Variants in GLT1D1 observed in about 807,000 individuals in gnomAD.
The protein encoded by GLT1D1 is glycosyltransferase 1 domain containing 1.
Under a neutral mutation model 28.7 loss-of-function variants are expected in GLT1D1, and 21 were observed. That is an observed-to-expected ratio of 0.73 (90% CI 0.52 to 1.05). The LOEUF is 1.05. Among genes scored for constraint, GLT1D1 ranks in the 50% least tolerant of loss-of-function variants. The pLI is 0.00. For missense variants in GLT1D1, 343 were observed against 330.6 expected (o/e 1.04, Z -0.29); for synonymous variants, 147 against 124.8 (o/e 1.18, Z -1.19).
intron 4 of GLT1D1, among the ~76,000 whole-genome samples, chr12:128,908,720 A>G (rs557268976): frequency 0.012 from 1,836 of 151,704 alleles, 30 homozygotes; most frequent in African/African-American, 0.042. Context: ...GAGGCCGAGG[A>G]GGGCGGATCA....
chr12:128,935,841 G>A (rs566394802), intron 4 of GLT1D1, among the ~76,000 whole-genome samples: 1 of 152,210 alleles, frequency 6.6e-6, no homozygotes, highest in African/African-American at 2.4e-5. Flanking sequence ...AAAAAGATGG[G>A]TTGTAGTCCC....
At chr12:128,918,493 AAC>A (rs1260832686) in intron 4 of GLT1D1, among the ~76,000 whole-genome samples, 9 of 152,190 alleles carry the variant, frequency 5.9e-5, no homozygotes, top group African/African-American at 2.2e-4. Context: ...GATAAAATGA[AAC>A]AAAAAAGACT....
At chr12:128,890,453 C>T (rs1423208933) in intron 3 of GLT1D1, among the ~76,000 whole-genome samples, 2 of 152,156 alleles carry the variant, frequency 1.3e-5, no homozygotes, top group Non-Finnish European at 2.9e-5. Flanking sequence ...ACTCCCATTT[C>T]TTTGTCTAAC....
intron 2 of GLT1D1, among the ~76,000 whole-genome samples, chr12:128,884,751 C>G (rs1243669315): frequency 6.6e-6 from 1 of 151,942 alleles, no homozygotes; most frequent in Non-Finnish European, 1.5e-5. Flanking sequence ...GATGCGGAGG[C>G]TGGAGTGAGC....
chr12:128,873,889 CTT>C lies in GLT1D1; in HGVS notation c.69-2024_69-2023del, dbSNP rs1491560388. On this transcript the variant is annotated intron_variant, in intron 1 of 7. Coordinates refer to ENST00000281703, the MANE Select transcript of GLT1D1 (RefSeq NM_144669.3). ...CTCCCTCCTTCCTTCCTTCCTCTCT[CTT>C]GCTCCCTTTCTCTTTCTTTCTCTCT... 5.9e-3 allele frequency among the ~76,000 whole-genome samples: 680 copies of C among 115,406 alleles called. 5 individuals are homozygous for C. Among genetic ancestry groups the C allele is most frequent in the African/African-American group, 0.02 (639 of 31,318 alleles). 75.7% of individuals were successfully genotyped at this position (115,406 alleles called of 152,430 possible).
intron 4 of GLT1D1, among the ~76,000 whole-genome samples, chr12:128,931,309 A>ATTTT (rs564088151): frequency 9.2e-6 from 1 of 108,824 alleles, no homozygotes; most frequent in Non-Finnish European, 1.9e-5. Flanking sequence ...CCACTTTTTA[A>ATTTT]TTTTTTTTTT....
rs202056151 is a variant in GLT1D1, at chr12:128,908,390, TTCTC to T, written c.375+9115_375+9118del. On this transcript the variant is annotated intron_variant, in intron 4 of 7. Coordinates refer to ENST00000281703, the MANE Select transcript of GLT1D1 (RefSeq NM_144669.3). The stretch of plus-strand genomic sequence containing the variant: ...CTTTCTTTCTTTTCTTTCTCTTTCT[TTCTC>T]TCTCTCTCTCTTTCTTTCTTTCTTT... Among the ~76,000 whole-genome samples the T allele has an allele frequency of 2.4e-3, 317 of 133,460 alleles. 1 individual carries two copies. The highest frequency in any genetic ancestry group is 7.3e-3 in the African/African-American group (245 of 33,468). 87.6% of individuals were successfully genotyped at this position (133,460 alleles called of 152,430 possible).
chr12:128,929,689 T>G (rs566330945), intron 4 of GLT1D1, among the ~76,000 whole-genome samples: 10 of 152,252 alleles, frequency 6.6e-5, no homozygotes, highest in Admixed American at 6.5e-4. Flanking sequence ...AGGCCAGGTG[T>G]GGTGGCTCAG....
chr12:128,976,953 C>T (rs930708168), intron 7 of GLT1D1, among the ~76,000 whole-genome samples: 4 of 152,196 alleles, frequency 2.6e-5, no homozygotes, highest in African/African-American at 9.7e-5. Flanking sequence ...CAAGACCAGC[C>T]TAGCCAACAT....
intron 1 of GLT1D1, among the ~76,000 whole-genome samples, chr12:128,874,577 G>T (rs1007363103): frequency 1.3e-5 from 2 of 149,766 alleles, no homozygotes; most frequent in Non-Finnish European, 2.9e-5. Flanking sequence ...GACCTCATAG[G>T]CTCAAGCAGT....
intron 4 of GLT1D1, among the ~76,000 whole-genome samples, chr12:128,905,066 G>A (rs1383952204): frequency 1.4e-5 from 2 of 139,076 alleles, no homozygotes; most frequent in African/African-American, 5.2e-5. Context: ...ACCGCGCCTG[G>A]CCCATTTCCC....
At chr12:128,884,605 A>G (rs1410798822) in intron 2 of GLT1D1, among the ~76,000 whole-genome samples, 2 of 152,100 alleles carry the variant, frequency 1.3e-5, no homozygotes, top group Non-Finnish European at 2.9e-5. Context: ...ACTTGAGGTC[A>G]CGAGTTCGAG....
intron 4 of GLT1D1, among the ~76,000 whole-genome samples, chr12:128,932,722 C>T (rs1874061718): frequency 1.3e-5 from 2 of 152,088 alleles, no homozygotes; most frequent in Admixed American, 6.5e-5. Context: ...CGGTTTGCAG[C>T]GAGGCCGCCG....
At chr12:128,941,585 T>TC (rs1875251073) in intron 4 of GLT1D1, among the ~76,000 whole-genome samples, 1 of 148,752 alleles carries the variant, frequency 6.7e-6, no homozygotes, top group Non-Finnish European at 1.5e-5. Context: ...TTTTTTTTTT[T>TC]TTTTTGAGAC....
chr12:128,903,718 G>T (rs524380), intron 4 of GLT1D1, among the ~76,000 whole-genome samples: 11 of 151,068 alleles, frequency 7.3e-5, no homozygotes, highest in African/African-American at 9.8e-5. Context: ...GAACCTTTTG[G>T]TTTTTTTAAA....
chr12:128,930,275 G>C (rs1873721078), intron 4 of GLT1D1: 2 of 152,164 alleles, frequency 1.3e-5, no homozygotes, highest in Admixed American at 6.5e-5. Flanking sequence ...TAAAATTCTG[G>C]CTAATCAAGA....
intron 6 of GLT1D1, among the ~76,000 whole-genome samples, chr12:128,952,469 C>CTTTCT (rs150827801): frequency 0.17 from 20,086 of 120,178 alleles, 2,318 homozygotes; most frequent in East Asian, 0.24. Flanking sequence ...AAATTTCTTT[C>CTTTCT]TTTTTTTTTT....
chr12:128,940,278 G>C (rs1875058470), intron 4 of GLT1D1, among the ~76,000 whole-genome samples: 1 of 152,134 alleles, frequency 6.6e-6, no homozygotes, highest in African/African-American at 2.4e-5. Context: ...AGTTCTAACA[G>C]CAACCAGAGA....
At chr12:128,948,913 G>C (rs1240828286) in intron 6 of GLT1D1, among the ~76,000 whole-genome samples, 1 of 152,220 alleles carries the variant, frequency 6.6e-6, no homozygotes, top group Non-Finnish European at 1.5e-5. Context: ...GGCAGAAGCT[G>C]TGTGTCCGTG....
Sources: allele counts gnomAD v4.1 joint callset (sites outside exome capture counted in the v4.1 genomes callset), GRCh38; gene constraint gnomAD v4.1.1; transcripts MANE v1.5; gene names NCBI Gene and HGNC (gene_info 2026-07-23, HGNC 2026-07-21).